Variants in CUX1 observed in about 807,000 individuals in gnomAD.
The protein encoded by CUX1 is cut like homeobox 1.
A neutral mutation model predicts 158.8 loss-of-function variants in CUX1; 31 were observed. That is an observed-to-expected ratio of 0.20 (90% CI 0.15 to 0.26). CUX1 has a LOEUF of 0.26. CUX1 is among the 10% of genes least tolerant of loss of function. The pLI, the probability that CUX1 is intolerant of heterozygous loss-of-function variation, is 1.00. For missense variants in CUX1, 1,589 were observed against 2,014.6 expected (o/e 0.79, Z 4.04); for synonymous variants, 879 against 862.1 (o/e 1.02, Z -0.34).
At chr7:101,859,481 G>A (rs1215363716) in intron 1 of CUX1, among the ~76,000 whole-genome samples, 1 of 151,984 alleles carries the variant, frequency 6.6e-6, no homozygotes, top group Non-Finnish European at 1.5e-5. Context: ...ATTTCCTACC[G>A]CCTCAAGCTT....
Position 102,179,805 on chromosome 7 carries a change from C to G in CUX1, c.1017+1148C>G, listed in dbSNP as rs1255218217. Reference sequence around the variant, plus strand: ...TCAGGGCAGGGCTTCAGCCCCAGGCCAGGGGTTCCCTGCTCTGCCCGGGGG... The same window carrying G: ...TCAGGGCAGGGCTTCAGCCCCAGGCGAGGGGTTCCCTGCTCTGCCCGGGGG... On this transcript the variant is annotated intron_variant, in intron 11 of 23. Transcript: ENST00000292535. 4.6e-5 allele frequency among the ~76,000 whole-genome samples: 7 copies of G among 152,320 alleles called. No individual in the cohort carries two copies. In the East Asian group the frequency reaches 1.3e-3, roughly 29 times the overall value.
At chr7:102,087,733 A>G (rs1828095148) in intron 4 of CUX1, among the ~76,000 whole-genome samples, 1 of 152,188 alleles carries the variant, frequency 6.6e-6, no homozygotes, top group African/African-American at 2.4e-5. Flanking sequence ...TTCTACCTAT[A>G]CTACAACGCT....
In CUX1 at chr7:102,248,381, C is replaced by T. The variant is rs377198941; in HGVS notation, c.3888-31C>T. ...GAGGCCCTTTCCCCAGCAGCACCCC[C>T]CTCACGTCCCCGCCGCTTGTTGTCT... On this transcript the variant is annotated intron_variant, in intron 23 of 23. Transcript: ENST00000292535. The surrounding 1 kb of genome is among the most constrained non-coding windows in gnomAD (Gnocchi z 5.8). 6 of 1,555,138 alleles carry T rather than the reference C, an allele frequency of 3.9e-6. No individual in the cohort carries two copies. In the Admixed American group the frequency reaches 9.2e-5, roughly 24 times the overall value.
chr7:102,104,224 G>A (rs1830094679), intron 5 of CUX1, 112 bp from the exon 6 acceptor site: 4 of 1,015,492 alleles, frequency 3.9e-6, no homozygotes, highest in Non-Finnish European at 5.7e-6. Context: ...CAGAGTTGAA[G>A]AGCTAAGGTT....
intron 2 of CUX1, among the ~76,000 whole-genome samples, chr7:101,927,556 A>G (rs1289493549): frequency 6.6e-6 from 1 of 152,146 alleles, no homozygotes; most frequent in Non-Finnish European, 1.5e-5. Flanking sequence ...AGGCTGAGGT[A>G]GGAGGATCCC....
At chr7:102,261,839 G>A (rs964422169), downstream of CUX1, among the ~76,000 whole-genome samples, 3 of 152,112 alleles carry the variant, frequency 2.0e-5, no homozygotes, top group African/African-American at 7.2e-5. Flanking sequence ...AAACTCGGTC[G>A]GGCACGATGG....
chr7:101,883,114 C>G (rs1272633214), intron 1 of CUX1, among the ~76,000 whole-genome samples: 1 of 152,156 alleles, frequency 6.6e-6, no homozygotes, highest in South Asian at 2.1e-4. Context: ...TCAAGTCAGC[C>G]TCCAAAGGGG....
At chr7:102,216,533 CCCACA>C (rs782196501) in intron 20 of CUX1, among the ~76,000 whole-genome samples, 1 of 95,444 alleles carries the variant, frequency 1.0e-5, no homozygotes, top group Non-Finnish European at 2.2e-5. Flanking sequence ...CACTCTCCCC[CCCACA>C]CACACACACC....
intron 4 of CUX1, among the ~76,000 whole-genome samples, chr7:102,078,984 T>C (rs1317687990): frequency 6.6e-6 from 1 of 152,182 alleles, no homozygotes; most frequent in Non-Finnish European, 1.5e-5. Flanking sequence ...TTTTTAATGC[T>C]CCTCCAGGAG....
At chr7:102,063,705 C>T (rs1825214450) in intron 3 of CUX1, among the ~76,000 whole-genome samples, 1 of 152,104 alleles carries the variant, frequency 6.6e-6, no homozygotes, top group African/African-American at 2.4e-5. Context: ...GAACCCTTTA[C>T]ATATTGAGCA....
At chr7:102,101,930 GAC>G (rs1410858397) in intron 5 of CUX1, among the ~76,000 whole-genome samples, 7 of 142,266 alleles carry the variant, frequency 4.9e-5, no homozygotes, top group African/African-American at 1.8e-4. Context: ...AAAAAAAAAA[GAC>G]AAAAATGCTG....
Position 102,193,882 on chromosome 7 carries a change from G to C in CUX1, c.1117G>C (p.Gly373Arg), listed in dbSNP as rs1451639335. Reference sequence around the variant, plus strand: ...GGAGTTTGCACCGTCCGAGGGCGCTGGGACACAGGTACGTGTCTCACCTCA... The same window carrying C: ...GGAGTTTGCACCGTCCGAGGGCGCTCGGACACAGGTACGTGTCTCACCTCA... ...SMEFAPSEGA[G>R]TQDAAKPLEV... is the part of the protein sequence containing the mutation. Residue 373 changes from glycine to arginine, a missense_variant, in exon 13 of 24, where the codon GGG (glycine) becomes CGG (arginine). Gly to Arg is a moderately radical substitution (Grantham distance 125). Transcript: ENST00000292535. 6.2e-7 allele frequency: 1 copy of C among 1,613,944 alleles called. No homozygotes were observed. Among genetic ancestry groups the C allele is most frequent in the African/African-American group, 1.3e-5 (1 of 74,928 alleles).
Position 102,237,463 on chromosome 7 carries a change from T to A in CUX1, c.3623-1857T>A, listed in dbSNP as rs180923938. On this transcript the variant is annotated intron_variant, in intron 22 of 23. Transcript: ENST00000292535. The stretch of plus-strand genomic sequence containing the variant: ...CACACTGGCTAATTTTTAAATTTTT[T>A]TTGAGACAGGGTCTCTCTATGTTCT... Among the ~76,000 whole-genome samples, 71 of 152,292 alleles carry A rather than the reference T, an allele frequency of 4.7e-4. No homozygotes were observed. In the East Asian group the frequency reaches 0.013, roughly 29 times the overall value.
At chr7:101,933,367 T>G (rs1806509827) in intron 2 of CUX1, among the ~76,000 whole-genome samples, 1 of 152,196 alleles carries the variant, frequency 6.6e-6, no homozygotes, top group Admixed American at 6.5e-5. Flanking sequence ...GTGGACATTT[T>G]CCTTTTTTAA....
chr7:101,997,559 G>T (rs1816111171), intron 2 of CUX1, among the ~76,000 whole-genome samples: 1 of 152,032 alleles, frequency 6.6e-6, no homozygotes, highest in Non-Finnish European at 1.5e-5. Flanking sequence ...GGTCAGGCTG[G>T]TCTCAAACTT....
chr7:102,258,305 C>A, downstream of CUX1: 1 of 537,394 alleles, frequency 1.9e-6, no homozygotes, highest in Non-Finnish European at 2.4e-6. Context: ...ATTCGAGGTC[C>A]AAAGGGCACC....
At chr7:102,011,767 C>G (rs901712128) in intron 2 of CUX1, among the ~76,000 whole-genome samples, 9 of 152,120 alleles carry the variant, frequency 5.9e-5, no homozygotes, top group Admixed American at 3.9e-4. Context: ...GGAGGTACAC[C>G]CCTCTCATTT....
chr7:101,969,359 C>CAAAAAAAAAAAAAAAAAAAAAAAAAGAA (rs10711703), intron 2 of CUX1, among the ~76,000 whole-genome samples: 1 of 56,112 alleles, frequency 1.8e-5, no homozygotes, highest in African/African-American at 7.5e-5. Flanking sequence ...CAAAAAACAG[C>CAAAAAAAAAAAAAAAAAAAAAAAAAGAA]AAAAAAAAAA....
intron 1 of CUX1, among the ~76,000 whole-genome samples, chr7:101,844,164 C>T (rs544230122): frequency 6.6e-6 from 1 of 152,172 alleles, no homozygotes; most frequent in South Asian, 2.1e-4. Context: ...TTGCTATTAA[C>T]AAACACCGTC....
Sources: allele counts gnomAD v4.1 joint callset (sites outside exome capture counted in the v4.1 genomes callset), GRCh38; gene constraint gnomAD v4.1.1; non-coding constraint Gnocchi (gnomAD v3.1); transcripts MANE v1.5; gene names NCBI Gene and HGNC (gene_info 2026-07-23, HGNC 2026-07-21).